ADGRL3: variants seen among roughly 807,000 people sequenced by gnomAD.
The protein encoded by ADGRL3 is adhesion G protein-coupled receptor L3.
ADGRL3 carries 62 observed loss-of-function variants against 153.5 expected under a neutral mutation model. That is an observed-to-expected ratio of 0.40 (90% CI 0.33 to 0.50). The LOEUF is 0.50. ADGRL3 is among the 20% of genes least tolerant of loss of function. The pLI, the probability that ADGRL3 is intolerant of heterozygous loss-of-function variation, is 0.47. For synonymous variants in ADGRL3, 710 were observed against 672.5 expected (o/e 1.06, Z -0.86); for missense variants, 1,641 against 1,859.4 (o/e 0.88, Z 2.16).
rs548847317 is a variant in ADGRL3 at position 61,252,941 on chromosome 4, C to CT, written c.-240+51182dup. On this transcript the variant is annotated intron_variant, in intron 1 of 26. Transcript: ENST00000683033. Reference sequence around the variant, plus strand: ...CAGGTAAACTTGCCTTTTCTGGATGCTTTTTTCTCCTCTGAGTGAGGTGAG... The same window carrying CT: ...CAGGTAAACTTGCCTTTTCTGGATGCTTTTTTTCTCCTCTGAGTGAGGTGAG... 1.5e-3 allele frequency among the ~76,000 whole-genome samples: 232 copies of CT among 152,116 alleles called. 2 individuals carry two copies. The highest frequency in any genetic ancestry group is 5.5e-3 in the African/African-American group (229 of 41,492).
chr4:61,766,369 C>G (rs1424298505), intron 8 of ADGRL3, among the ~76,000 whole-genome samples: 2 of 152,094 alleles, frequency 1.3e-5, no homozygotes, highest in African/African-American at 4.8e-5. Flanking sequence ...AGTATTAATG[C>G]AGCGGCAGCA....
At chr4:61,996,462 A>G in intron 20 of ADGRL3, 105 bp downstream of exon 20, 3 of 787,778 alleles carry the variant, frequency 3.8e-6, no homozygotes, top group Admixed American at 2.1e-5. Context: ...TGGGGAAAGC[A>G]TGTACTTATT....
chr4:62,051,181 TATATATATAC>T (rs200490836), intron 25 of ADGRL3, among the ~76,000 whole-genome samples: 3,910 of 148,092 alleles, frequency 0.026, 197 homozygotes, highest in African/African-American at 0.093. Flanking sequence ...TATATATATA[TATATATATAC>T]ATACATACAC....
chr4:61,573,342 A>G (rs1362362935), intron 4 of ADGRL3, among the ~76,000 whole-genome samples: 1 of 151,966 alleles, frequency 6.6e-6, no homozygotes, highest in Non-Finnish European at 1.5e-5. Flanking sequence ...TTTTAAATAT[A>G]TCTGCATTCA....
chr4:61,216,533 T>G (rs1742864818), intron 1 of ADGRL3, among the ~76,000 whole-genome samples: 1 of 152,158 alleles, frequency 6.6e-6, no homozygotes, highest in African/African-American at 2.4e-5. Context: ...TTTTTTTTCT[T>G]ATGGCTGAAT....
At chr4:61,719,067 G>T (rs900050836) in intron 6 of ADGRL3, among the ~76,000 whole-genome samples, 1 of 152,098 alleles carries the variant, frequency 6.6e-6, no homozygotes, top group Non-Finnish European at 1.5e-5. Flanking sequence ...CCTTTGGATT[G>T]TGTATCACAT....
At chr4:61,293,959 A>T (rs116135276) in intron 1 of ADGRL3, among the ~76,000 whole-genome samples, 311 of 152,284 alleles carry the variant, frequency 2.0e-3, no homozygotes, top group African/African-American at 6.4e-3. Flanking sequence ...TTGCATAGTG[A>T]CTGAAACATA....
chr4:61,600,362 C>A (rs2099006370), intron 5 of ADGRL3, among the ~76,000 whole-genome samples: 1 of 143,804 alleles, frequency 7.0e-6, no homozygotes, highest in African/African-American at 2.6e-5. Flanking sequence ...TCAACAACTG[C>A]AGATTTTTTT....
At chr4:61,629,300 A>G (rs2093012431) in intron 5 of ADGRL3, among the ~76,000 whole-genome samples, 2 of 152,110 alleles carry the variant, frequency 1.3e-5, no homozygotes, top group African/African-American at 4.8e-5. Flanking sequence ...TTACACCCCT[A>G]TTATTACTTA....
intron 9 of ADGRL3, among the ~76,000 whole-genome samples, chr4:61,867,842 G>A (rs1391412716): frequency 6.6e-6 from 1 of 151,834 alleles, no homozygotes; most frequent in African/African-American, 2.4e-5. Context: ...TTAATAGATA[G>A]CATAGATGTA....
chr4:61,611,328 G>A (rs2091320565), intron 5 of ADGRL3, among the ~76,000 whole-genome samples: 1 of 152,120 alleles, frequency 6.6e-6, no homozygotes, highest in Non-Finnish European at 1.5e-5. Context: ...TAGTCACATG[G>A]CCATACCTGA....
chr4:61,310,893 A>C (rs558882069), intron 1 of ADGRL3, among the ~76,000 whole-genome samples: 1 of 152,208 alleles, frequency 6.6e-6, no homozygotes, highest in Non-Finnish European at 1.5e-5. Context: ...CAGAGAAGTT[A>C]GAAAGAGTGG....
At chr4:61,433,973 C>T (rs769113627) in intron 2 of ADGRL3, among the ~76,000 whole-genome samples, 4 of 152,100 alleles carry the variant, frequency 2.6e-5, no homozygotes, top group Admixed American at 6.6e-5. Context: ...TCCTATTAAT[C>T]GAACCCTTCC....
At chr4:61,857,005 T>TTCCTTCCTTGCCTCCTTCC (rs1561368407) in intron 9 of ADGRL3, among the ~76,000 whole-genome samples, 2 of 118,344 alleles carry the variant, frequency 1.7e-5, no homozygotes, top group African/African-American at 7.2e-5. Flanking sequence ...TCTTTCTTTC[T>TTCCTTCCTTGCCTCCTTCC]TTCTTTCTTT....
chr4:61,884,720 G>T (rs1232511317), intron 9 of ADGRL3, among the ~76,000 whole-genome samples: 1 of 151,822 alleles, frequency 6.6e-6, no homozygotes, highest in East Asian at 2.0e-4. Context: ...TGCCCGCGGG[G>T]TTCAAGCAAT....
chr4:61,499,097 T>C (rs900550387), intron 3 of ADGRL3, among the ~76,000 whole-genome samples: 2 of 152,200 alleles, frequency 1.3e-5, no homozygotes, highest in Non-Finnish European at 2.9e-5. Flanking sequence ...CCCATTGTAG[T>C]TCGTCAGTGA....
At chr4:61,781,899 T>A in intron 8 of ADGRL3, among the ~76,000 whole-genome samples, 1 of 152,182 alleles carries the variant, frequency 6.6e-6, no homozygotes, top group African/African-American at 2.4e-5. Flanking sequence ...TAGGTGTCCT[T>A]AATTATTCTA....
At chr4:61,441,610 C>A (rs1366718526) in intron 2 of ADGRL3, among the ~76,000 whole-genome samples, 3 of 151,764 alleles carry the variant, frequency 2.0e-5, no homozygotes, top group Non-Finnish European at 4.4e-5. Flanking sequence ...ACCTCTGCCT[C>A]CTGGGTTCAA....
intron 9 of ADGRL3, among the ~76,000 whole-genome samples, chr4:61,815,844 CAG>C (rs1361554096): frequency 3.3e-5 from 5 of 152,180 alleles, no homozygotes; most frequent in Admixed American, 3.3e-4. Flanking sequence ...ATCTTGGAAA[CAG>C]AGAGCAGCCC....
Sources: allele counts gnomAD v4.1 joint callset (sites outside exome capture counted in the v4.1 genomes callset), GRCh38; gene constraint gnomAD v4.1.1; transcripts MANE v1.5; gene names NCBI Gene and HGNC (gene_info 2026-07-23, HGNC 2026-07-21).